The following FMN1 variants were observed in gnomAD, a reference collection of about 807,000 sequenced individuals.
FMN1 encodes the protein formin 1, also known as formin-1.
FMN1 carries 110 observed loss-of-function variants against 132.4 expected under a neutral mutation model. The observed-to-expected ratio is 0.83, with a 90% CI of 0.71 to 0.97. The LOEUF is 0.97. FMN1 is among the 50% of genes least tolerant of loss of function. The probability of loss-of-function intolerance (pLI) is 0.00; values close to 1 mark genes in which losing one functional copy is unlikely to be tolerated. For synonymous variants in FMN1, 722 were observed against 651.7 expected (o/e 1.11, Z -1.64); for missense variants, 1,792 against 1,705.3 (o/e 1.05, Z -0.90).
chr15:33,063,677 A>T (rs912989215), intron 6 of FMN1: 5 of 152,204 alleles, frequency 3.3e-5, no homozygotes, highest in Non-Finnish European at 7.3e-5. Flanking sequence ...AAGCAAAAGG[A>T]AAAAAGTGAT....
intron 4 of FMN1, among the ~76,000 whole-genome samples, chr15:33,093,392 C>G (rs2038970248): frequency 6.6e-6 from 1 of 152,140 alleles, no homozygotes; most frequent in Non-Finnish European, 1.5e-5. Context: ...AGACAGCAAT[C>G]TAGATGTACA....
intron 3 of FMN1, among the ~76,000 whole-genome samples, chr15:33,177,341 G>T (rs1209422762): frequency 6.6e-6 from 1 of 152,156 alleles, no homozygotes; most frequent in East Asian, 1.9e-4. Flanking sequence ...ATGTACAACT[G>T]GTCTAAGACT....
chr15:33,140,880 T>G (rs1434193680), intron 4 of FMN1, among the ~76,000 whole-genome samples: 2 of 152,230 alleles, frequency 1.3e-5, no homozygotes. Flanking sequence ...AACTAGGATC[T>G]TATTTTAATT....
chr15:32,998,533 T>C (rs2033911655), intron 7 of FMN1, among the ~76,000 whole-genome samples: 2 of 152,118 alleles, frequency 1.3e-5, no homozygotes, highest in African/African-American at 2.4e-5. Context: ...TGTGATTGTA[T>C]AGAATTTACA....
chr15:32,842,029 G>A (rs901925689), intron 17 of FMN1, among the ~76,000 whole-genome samples: 1 of 152,158 alleles, frequency 6.6e-6, no homozygotes, highest in African/African-American at 2.4e-5. Flanking sequence ...TTCCCTGCAT[G>A]TTTGTGCTGT....
At chr15:32,784,780 T>G (rs1358893310) in intron 19 of FMN1, among the ~76,000 whole-genome samples, 1 of 152,218 alleles carries the variant, frequency 6.6e-6, no homozygotes, top group African/African-American at 2.4e-5. Flanking sequence ...GGCACCCATT[T>G]ATTTCCCTCT....
intron 18 of FMN1, among the ~76,000 whole-genome samples, chr15:32,803,323 G>C (rs879939169): frequency 6.6e-6 from 1 of 152,090 alleles, no homozygotes; most frequent in African/African-American, 2.4e-5. Context: ...TGAGAATACC[G>C]CTGTCTATTG....
intron 4 of FMN1, chr15:33,150,007 C>G: frequency 1.0e-6 from 1 of 985,296 alleles, no homozygotes; most frequent in African/African-American, 1.7e-5. Context: ...TCAAGAGATT[C>G]TCAGTTCTCA....
At chr15:33,009,121 T>C (rs1464110591) in intron 6 of FMN1, among the ~76,000 whole-genome samples, 1 of 152,162 alleles carries the variant, frequency 6.6e-6, no homozygotes, top group African/African-American at 2.4e-5. Context: ...GGGAAGGTGC[T>C]CCACTGAGCT....
chr15:33,037,960 T>C (rs2036261119), intron 6 of FMN1, among the ~76,000 whole-genome samples: 1 of 152,242 alleles, frequency 6.6e-6, no homozygotes. Context: ...GTGTGGTGGC[T>C]CACGCCTATA....
At chr15:32,857,875 G>T (rs2059172521) in intron 16 of FMN1, among the ~76,000 whole-genome samples, 1 of 152,210 alleles carries the variant, frequency 6.6e-6, no homozygotes, top group East Asian at 1.9e-4. Context: ...AGTTAACCCA[G>T]CCAAGAGGCA....
rs1158063384 is a variant in FMN1 at position 32,770,777 on chromosome 15, T to C, written c.*3533A>G. 3 of 152,146 alleles carry C rather than the reference T, an allele frequency of 2.0e-5. No homozygotes were observed. The highest frequency in any genetic ancestry group is 1.5e-5 in the Non-Finnish European group (1 of 68,044). The allele number at this position is 152,146 out of a possible 1,614,324, so 9.4% of individuals were successfully genotyped here. On this transcript the variant is annotated 3_prime_UTR_variant, in exon 21 of 21. Transcript: ENST00000616417. ...CTGGCAATTTGTTTTGGCTAGAACA[T>C]TTAAAAGTGTAATAGCTCCACTGGG... is the stretch of plus-strand genomic sequence containing the variant.
chr15:33,129,406 A>G (rs2140221562), intron 4 of FMN1, among the ~76,000 whole-genome samples: 1 of 152,360 alleles, frequency 6.6e-6, no homozygotes, highest in Admixed American at 6.5e-5. Flanking sequence ...TAAGATTACC[A>G]AAACACTGTT....
chr15:32,827,508 A>G (rs1378443210), intron 17 of FMN1, among the ~76,000 whole-genome samples: 2 of 152,178 alleles, frequency 1.3e-5, no homozygotes, highest in African/African-American at 2.4e-5. Flanking sequence ...AAAGAGTTAT[A>G]ATCATTTCAC....
At chr15:33,003,761 G>C (rs1385238178) in intron 7 of FMN1, among the ~76,000 whole-genome samples, 2 of 152,162 alleles carry the variant, frequency 1.3e-5, no homozygotes, top group African/African-American at 2.4e-5. Flanking sequence ...AAAGAACAAA[G>C]CTGGAGGCAT....
At chr15:33,171,298 C>T (rs1965313112) in intron 3 of FMN1, among the ~76,000 whole-genome samples, 1 of 152,044 alleles carries the variant, frequency 6.6e-6, no homozygotes, top group African/African-American at 2.4e-5. Context: ...TGATGGGCGA[C>T]AGTAGAGTAA....
At chr15:32,801,360 G>C (rs1415024339) in intron 18 of FMN1, among the ~76,000 whole-genome samples, 1 of 152,054 alleles carries the variant, frequency 6.6e-6, no homozygotes, top group African/African-American at 2.4e-5. Context: ...ATGTGTTTTG[G>C]AAACTAAGAA....
At chr15:33,175,098 T>C (rs1965470675) in intron 3 of FMN1, among the ~76,000 whole-genome samples, 2 of 152,094 alleles carry the variant, frequency 1.3e-5, no homozygotes, top group Admixed American at 1.3e-4. Context: ...TGATTATGGC[T>C]CACTGCAGCC....
At chr15:32,871,834 G>A (rs537592504) in intron 16 of FMN1, among the ~76,000 whole-genome samples, 7 of 152,234 alleles carry the variant, frequency 4.6e-5, no homozygotes, top group South Asian at 4.2e-4. Context: ...AAGCTAGAAC[G>A]GTGCCTGTCA....
Sources: gnomAD v4.1 joint callset for allele counts (sites outside exome capture counted in the v4.1 genomes callset) on GRCh38, gnomAD v4.1.1 for gene constraint, MANE v1.5 for transcripts, NCBI Gene and HGNC (gene_info 2026-07-23, HGNC 2026-07-21) for gene names.